AOPEP: variants seen among roughly 807,000 people sequenced by gnomAD.
The protein encoded by AOPEP is aminopeptidase O (putative), also known as aminopeptidase O.
Under a neutral mutation model 98.1 loss-of-function variants are expected in AOPEP, and 77 were observed. That is an observed-to-expected ratio of 0.78 (90% CI 0.65 to 0.95). The LOEUF is 0.95. Among genes scored for constraint, AOPEP ranks in the 40% least tolerant of loss-of-function variants. The pLI is 0.00. For missense variants in AOPEP, 1,024 were observed against 1,024.7 expected (o/e 1.00, Z 0.01); for synonymous variants, 346 against 365.3 (o/e 0.95, Z 0.60).
chr9:95,024,059 G>A (rs900026463), intron 13 of AOPEP, among the ~76,000 whole-genome samples: 13 of 152,170 alleles, frequency 8.5e-5, no homozygotes, highest in Admixed American at 7.2e-4. Flanking sequence ...AACTCCACAT[G>A]CCCTGTAAAT....
At chr9:95,081,613 T>A (rs548207536) in intron 15 of AOPEP, among the ~76,000 whole-genome samples, 6 of 152,152 alleles carry the variant, frequency 3.9e-5, no homozygotes, top group African/African-American at 1.4e-4. Context: ...CCAGAAGAAA[T>A]GTCACATTTG....
chr9:94,986,903 A>T (rs569730542), intron 11 of AOPEP, among the ~76,000 whole-genome samples: 1 of 152,378 alleles, frequency 6.6e-6, no homozygotes, highest in East Asian at 1.9e-4. Context: ...TCAAGTGAAT[A>T]ACAAGAATTA....
At chr9:94,898,748 C>T (rs540337775) in intron 5 of AOPEP, among the ~76,000 whole-genome samples, 1 of 151,804 alleles carries the variant, frequency 6.6e-6, no homozygotes, top group African/African-American at 2.4e-5. Context: ...TCGAGACCAT[C>T]CTGGCTAACA....
At chr9:94,868,804 T>G (rs2045991577) in intron 5 of AOPEP, among the ~76,000 whole-genome samples, 1 of 152,240 alleles carries the variant, frequency 6.6e-6, no homozygotes, top group Non-Finnish European at 1.5e-5. Flanking sequence ...TTTTCTATTC[T>G]CATGTGTATC....
chr9:94,986,690 C>T (rs1461969049), intron 11 of AOPEP, among the ~76,000 whole-genome samples: 2 of 152,068 alleles, frequency 1.3e-5, no homozygotes, highest in African/African-American at 2.4e-5. Flanking sequence ...GTCTGTGCTG[C>T]GTGTTGTGTA....
chr9:94,821,583 C>T (rs1318913279), intron 5 of AOPEP, among the ~76,000 whole-genome samples: 2 of 152,182 alleles, frequency 1.3e-5, no homozygotes, highest in East Asian at 1.9e-4. Context: ...AATTTCCAGG[C>T]TCCTCAAGGA....
At chr9:94,939,537 T>A (rs1254070630) in intron 7 of AOPEP, among the ~76,000 whole-genome samples, 1 of 152,144 alleles carries the variant, frequency 6.6e-6, no homozygotes, top group African/African-American at 2.4e-5. Flanking sequence ...TGAGAATGGC[T>A]GCCTGGATGA....
At chr9:94,854,592 G>GTC (rs1378575187) in intron 5 of AOPEP, among the ~76,000 whole-genome samples, 1 of 152,154 alleles carries the variant, frequency 6.6e-6, no homozygotes, top group Non-Finnish European at 1.5e-5. Flanking sequence ...TTATTCCTTA[G>GTC]TCAAAGAACT....
the AOPEP span, among the ~76,000 whole-genome samples, chr9:95,108,961 A>G: frequency 1.6e-4 from 25 of 151,600 alleles, no homozygotes; most frequent in African/African-American, 5.8e-4. Context: ...GCTGGAATGC[A>G]GTGGTGCAAT....
At chr9:94,794,140 T>G (rs1338951862) in intron 4 of AOPEP, among the ~76,000 whole-genome samples, 1 of 152,216 alleles carries the variant, frequency 6.6e-6, no homozygotes. Flanking sequence ...ATAAAATCAT[T>G]TTGAGGCTTT....
At chr9:94,903,690 T>TCTTGGAGGA (rs2050736286) in intron 5 of AOPEP, among the ~76,000 whole-genome samples, 1 of 150,964 alleles carries the variant, frequency 6.6e-6, no homozygotes. Context: ...AGTCCTTGCT[T>TCTTGGAGGA]CTTGGAGGAC....
chr9:94,822,080 C>G (rs1853355007), intron 5 of AOPEP, among the ~76,000 whole-genome samples: 2 of 151,984 alleles, frequency 1.3e-5, no homozygotes, highest in South Asian at 2.1e-4. Context: ...ACAGTGATCC[C>G]CAGGCTGGTT....
intron 9 of AOPEP, among the ~76,000 whole-genome samples, chr9:94,965,090 T>C (rs2059108007): frequency 6.6e-6 from 1 of 152,224 alleles, no homozygotes; most frequent in Non-Finnish European, 1.5e-5. Context: ...CAAAATAATT[T>C]TTAAGTAATA....
At chr9:94,955,032 CA>C (rs1346521747) in intron 7 of AOPEP, 144 bp from the exon 8 acceptor site, 4 of 523,080 alleles carry the variant, frequency 7.6e-6, no homozygotes, top group Non-Finnish European at 1.3e-5. Context: ...GTATGTAATA[CA>C]AACTGTTCTA....
intron 13 of AOPEP, among the ~76,000 whole-genome samples, chr9:95,030,600 C>T (rs1026659631): frequency 2.6e-5 from 4 of 152,172 alleles, no homozygotes; most frequent in African/African-American, 7.2e-5. Flanking sequence ...TTTGTGCATT[C>T]GTCCTTTACC....
intron 13 of AOPEP, among the ~76,000 whole-genome samples, chr9:95,008,478 T>C (rs996199473): frequency 6.6e-5 from 10 of 152,292 alleles, no homozygotes; most frequent in African/African-American, 2.4e-4. Flanking sequence ...GGGATGTTTG[T>C]TTTCCCCTTA....
intron 1 of AOPEP, among the ~76,000 whole-genome samples, chr9:94,728,239 GCACACACA>G (rs78505500): frequency 1.8e-4 from 27 of 146,512 alleles, no homozygotes; most frequent in African/African-American, 6.5e-4. Context: ...GTGCGCGCAT[GCACACACA>G]CACACACACA....
chr9:95,075,346 A>G (rs1244379488), intron 14 of AOPEP, among the ~76,000 whole-genome samples: 3 of 152,264 alleles, frequency 2.0e-5, no homozygotes, highest in Admixed American at 1.3e-4. Context: ...AACATTAAAC[A>G]TCAATGAAGA....
intron 5 of AOPEP, among the ~76,000 whole-genome samples, chr9:94,883,850 A>G (rs902643140): frequency 6.6e-6 from 1 of 152,214 alleles, no homozygotes; most frequent in Non-Finnish European, 1.5e-5. Flanking sequence ...TGTATCTGAC[A>G]TACTGAAGAC....
Sources: gnomAD v4.1 joint callset for allele counts (sites outside exome capture counted in the v4.1 genomes callset) on GRCh38, gnomAD v4.1.1 for gene constraint, MANE v1.5 for transcripts, NCBI Gene and HGNC (gene_info 2026-07-23, HGNC 2026-07-21) for gene names.